Variants in LSMEM1 observed in about 807,000 individuals in gnomAD.
LSMEM1 encodes the protein leucine rich single-pass membrane protein 1, also known as leucine-rich single-pass membrane protein 1.
Under a neutral mutation model 11.3 loss-of-function variants are expected in LSMEM1, and 10 were observed. That is an observed-to-expected ratio of 0.89 (90% CI 0.55 to 1.50). The LOEUF is 1.50. LSMEM1 is among the 40% of genes most tolerant of loss of function. LSMEM1 has a pLI of 0.00. For synonymous variants in LSMEM1, 65 were observed against 59.3 expected, an observed-to-expected ratio of 1.10 and a Z score of -0.44; for missense variants, 151 against 152.9, an observed-to-expected ratio of 0.99 and a Z score of 0.06.
At chr7:112,486,322 C>G (rs1253718012) in intron 2 of LSMEM1, 2 of 443,948 alleles carry the variant, frequency 4.5e-6, no homozygotes, top group African/African-American at 4.0e-5. Context: ...CCTCTCCCCA[C>G]ACACAAAAAT....
intron 1 of LSMEM1, chr7:112,483,711 T>C (rs1376905468): frequency 6.6e-6 from 1 of 152,186 alleles, no homozygotes; most frequent in African/African-American, 2.4e-5. Flanking sequence ...ACTCATTGAA[T>C]GCTGAACAAA....
chr7:112,481,155 T>C lies in LSMEM1; in HGVS notation c.-197T>C, dbSNP rs1267954039. 3.8e-6 allele frequency: 1 copy of C among 266,252 alleles called. No homozygotes were observed. The highest frequency in any genetic ancestry group is 2.3e-5 in the African/African-American group (1 of 43,806). The allele number at this position is 266,252 out of a possible 1,614,324, so 16.5% of individuals were successfully genotyped here. A position where few individuals can be genotyped will look rare whatever the true frequency, so the allele number is the denominator to read the frequency against. ...ACACTGCTTGGCTAAATTGACACAA[T>C]ATAGACCAACAGTTTCATCCTGGGG... On this transcript the variant is annotated 5_prime_UTR_variant, in exon 1 of 4. Transcript: ENST00000312849.
chr7:112,489,942 A>T lies in LSMEM1; in HGVS notation c.389A>T (p.Gln130Leu). ...LNQLNQLDSE[Q>L]N ...CAACTCAACCAACTGGACTCTGAAC[A>T]AAACTAAAGGAATGATTTTCTGAAA... The change falls in exon 4 of 4, where the codon CAA becomes CTA. Residue 130 changes from glutamine to leucine, a missense_variant. Coordinates refer to ENST00000312849, the MANE Select transcript of LSMEM1 (RefSeq NM_182597.3). The T allele has an allele frequency of 6.2e-7, 1 of 1,612,572 alleles. No homozygotes were observed.
In LSMEM1 at chr7:112,490,252, T is replaced by C; in HGVS notation, c.*303T>C. ...AACAAAGCAAGAGAACTTGACTATG[T>C]ACGTCCAACTTCTTACAGAAGGAGC... On this transcript the variant is annotated 3_prime_UTR_variant, in exon 4 of 4. Coordinates refer to ENST00000312849, the MANE Select transcript of LSMEM1 (RefSeq NM_182597.3). 1 of 265,830 alleles carries C rather than the reference T, an allele frequency of 3.8e-6. No homozygotes were observed. The highest frequency in any genetic ancestry group is 7.1e-6 in the Non-Finnish European group (1 of 140,228). 16.5% of individuals were successfully genotyped at this position (265,830 alleles called of 1,614,324 possible).
intron 3 of LSMEM1, among the ~76,000 whole-genome samples, chr7:112,487,909 G>A (rs991583873): frequency 1.3e-4 from 20 of 152,370 alleles, no homozygotes; most frequent in Middle Eastern, 3.4e-3. Flanking sequence ...GCACTGCACT[G>A]TCATTTCTTT....
chr7:112,484,968 C>T, intron 2 of LSMEM1, 25 bp downstream of exon 2: 1 of 1,601,830 alleles, frequency 6.2e-7, no homozygotes, highest in East Asian at 2.3e-5. Context: ...GAAGGCACAG[C>T]AGCCCTTCCT....
At chr7:112,484,563 A>G (rs566712869) in intron 1 of LSMEM1, among the ~76,000 whole-genome samples, 6 of 152,332 alleles carry the variant, frequency 3.9e-5, no homozygotes, top group African/African-American at 1.4e-4. Context: ...TGGATGTACA[A>G]TTCTTAAAAT....
chr7:112,486,057 T>C (rs1250466444), intron 2 of LSMEM1: 1 of 153,586 alleles, frequency 6.5e-6, no homozygotes, highest in Non-Finnish European at 1.5e-5. Flanking sequence ...TAAAAGAACG[T>C]TGCTTCCAGA....
chr7:112,480,335 G>A (rs1324346685), upstream of LSMEM1, among the ~76,000 whole-genome samples: 8 of 152,264 alleles, frequency 5.3e-5, no homozygotes, highest in Middle Eastern at 6.8e-3. Flanking sequence ...ATGCCACTGC[G>A]CTCCAGCCTG....
chr7:112,480,675 C>T (rs960683320), upstream of LSMEM1, among the ~76,000 whole-genome samples: 1 of 152,340 alleles, frequency 6.6e-6, no homozygotes, highest in African/African-American at 2.4e-5. Context: ...AAAGGAAAGG[C>T]GGCCGATGAG....
chr7:112,484,765 G>T (rs931813188), intron 1 of LSMEM1, 47 bp from the exon 2 acceptor site: 2 of 1,590,788 alleles, frequency 1.3e-6, no homozygotes, highest in African/African-American at 2.7e-5. Flanking sequence ...GTGAAGTTGA[G>T]TTCACAAGCC....
chr7:112,486,262 G>C (rs1220760819), intron 2 of LSMEM1: 1 of 327,252 alleles, frequency 3.1e-6, no homozygotes, highest in Non-Finnish European at 6.4e-6. Context: ...GGTTACTTTG[G>C]GAAAGGGTAA....
chr7:112,482,163 G>T (rs761761295), intron 1 of LSMEM1, among the ~76,000 whole-genome samples: 1 of 141,082 alleles, frequency 7.1e-6, no homozygotes, highest in Non-Finnish European at 1.6e-5. Context: ...TTCCATTTGC[G>T]TGTTGCAGCT....
intron 3 of LSMEM1, among the ~76,000 whole-genome samples, chr7:112,489,589 A>G (rs1796199202): frequency 6.6e-6 from 1 of 152,206 alleles, no homozygotes; most frequent in Non-Finnish European, 1.5e-5. Flanking sequence ...TGCCAAAGGT[A>G]GTCTAGGTTG....
rs185067720 is a variant in LSMEM1 at position 112,490,621 on chromosome 7, G to A, written c.*672G>A. 9.2e-5 allele frequency: 14 copies of A among 152,318 alleles called. No individual in the cohort carries two copies. The highest frequency in any genetic ancestry group is 3.1e-4 in the African/African-American group (13 of 41,568). The allele number at this position is 152,318 out of a possible 1,614,324, so 9.4% of individuals were successfully genotyped here. On this transcript the variant is annotated 3_prime_UTR_variant, in exon 4 of 4. Transcript: ENST00000312849. ...GTGCAAATCACTCTACTCAAGAGGA[G>A]CTCACATAAGAGTGCAGGATAAAGA... is the stretch of plus-strand genomic sequence containing the variant.
chr7:112,489,096 T>C (rs1274841698), intron 3 of LSMEM1, among the ~76,000 whole-genome samples: 1 of 152,212 alleles, frequency 6.6e-6, no homozygotes, highest in African/African-American at 2.4e-5. Flanking sequence ...GCCTTGAGTG[T>C]TTTTTATTGA....
At chr7:112,489,140 T>C (rs1225377057) in intron 3 of LSMEM1, among the ~76,000 whole-genome samples, 1 of 152,222 alleles carries the variant, frequency 6.6e-6, no homozygotes, top group Non-Finnish European at 1.5e-5. Context: ...AACAGAAAGA[T>C]CAGGTGAATA....
intron 2 of LSMEM1, 85 bp downstream of exon 2, chr7:112,485,028 T>A: frequency 8.0e-7 from 1 of 1,252,524 alleles, no homozygotes; most frequent in Non-Finnish European, 1.1e-6. Flanking sequence ...TGTGTGGGTG[T>A]GGTGGAGGGG....
rs959302919 is a variant in LSMEM1, at chr7:112,486,763, A to C, written c.128-160A>C. 22 of 964,814 alleles carry C rather than the reference A, an allele frequency of 2.3e-5. No individual in the cohort carries two copies. In the African/African-American group the frequency reaches 3.6e-4, roughly 16 times the overall value. 59.8% of individuals were successfully genotyped at this position (964,814 alleles called of 1,614,324 possible). On this transcript the variant is annotated intron_variant, in intron 2 of 3. Coordinates refer to ENST00000312849, the MANE Select transcript of LSMEM1 (RefSeq NM_182597.3). ...TGCACTCCAGCCTGGTTGACAGAGC[A>C]AGACTCTGTCTCAAAAAAAAAGAGT...
Sources: gnomAD v4.1 joint callset for allele counts (sites outside exome capture counted in the v4.1 genomes callset) on GRCh38, gnomAD v4.1.1 for gene constraint, MANE v1.5 for transcripts, NCBI Gene and HGNC (gene_info 2026-07-23, HGNC 2026-07-21) for gene names.